AGBL4: variants seen among roughly 807,000 people sequenced by gnomAD.
The protein encoded by AGBL4 is cytosolic carboxypeptidase 6.
Under a neutral mutation model 66.4 loss-of-function variants are expected in AGBL4, and 58 were observed. The observed-to-expected ratio is 0.87, with a 90% CI of 0.71 to 1.09. AGBL4 has a LOEUF of 1.09. Among genes scored for constraint, AGBL4 ranks in the 50% least tolerant of loss-of-function variants. The pLI is 0.00. For missense variants in AGBL4, 579 were observed against 631.0 expected (o/e 0.92, Z 0.88); for synonymous variants, 234 against 222.9 (o/e 1.05, Z -0.44).
chr1:48,545,149 G>C (rs1273775037), intron 11 of AGBL4, among the ~76,000 whole-genome samples: 1 of 152,218 alleles, frequency 6.6e-6, no homozygotes, highest in African/African-American at 2.4e-5. Context: ...CTGAGAGCCA[G>C]ACTTAAAGCA....
intron 3 of AGBL4, among the ~76,000 whole-genome samples, chr1:49,325,560 T>C (rs1313395739): frequency 6.6e-6 from 1 of 152,224 alleles, no homozygotes; most frequent in African/African-American, 2.4e-5. Flanking sequence ...TGCTTCTCAT[T>C]CCTTCCTGTG....
At chr1:48,844,489 C>G (rs1646870224) in intron 6 of AGBL4, among the ~76,000 whole-genome samples, 1 of 152,230 alleles carries the variant, frequency 6.6e-6, no homozygotes, top group Non-Finnish European at 1.5e-5. Flanking sequence ...CATGCACTAA[C>G]TGAGCTCTCA....
chr1:49,607,407 A>G (rs1162363597), intron 3 of AGBL4, among the ~76,000 whole-genome samples: 3 of 152,130 alleles, frequency 2.0e-5, no homozygotes, highest in Non-Finnish European at 4.4e-5. Context: ...TGATCCAGAT[A>G]GTTAGTTCAG....
chr1:48,625,132 CCTTCCTTCCTTT>C (rs1198759414), intron 9 of AGBL4, among the ~76,000 whole-genome samples: 2 of 86,818 alleles, frequency 2.3e-5, no homozygotes, highest in Non-Finnish European at 5.3e-5. Flanking sequence ...TTCCTTCCTT[CCTTCCTTCCTTT>C]CTCTTTCTCT....
intron 5 of AGBL4, among the ~76,000 whole-genome samples, chr1:48,906,460 G>A (rs949661389): frequency 6.6e-6 from 1 of 152,096 alleles, no homozygotes; most frequent in Non-Finnish European, 1.5e-5. Context: ...GGGAGGGGCA[G>A]TAAGTTTTAA....
intron 1 of AGBL4, among the ~76,000 whole-genome samples, chr1:49,858,959 C>T (rs914166004): frequency 2.3e-4 from 9 of 39,204 alleles, no homozygotes; most frequent in South Asian, 9.0e-4. Context: ...GAGTTTGCAG[C>T]GAGCTGAGAC....
chr1:49,077,741 G>A (rs1644737532), intron 4 of AGBL4, among the ~76,000 whole-genome samples: 1 of 152,030 alleles, frequency 6.6e-6, no homozygotes, highest in South Asian at 2.1e-4. Flanking sequence ...AACCAAAGTT[G>A]CTCTCTGATC....
chr1:49,231,860 G>A (rs899779817), intron 4 of AGBL4, among the ~76,000 whole-genome samples: 1 of 152,088 alleles, frequency 6.6e-6, no homozygotes, highest in Non-Finnish European at 1.5e-5. Flanking sequence ...TATTCAATAA[G>A]TTATATAAGG....
At position 49,131,200 on chromosome 1, in the gene AGBL4, G is replaced by A. The variant is rs1197764837; in HGVS notation, c.378-85400C>T. ...GGAATGACAAATCTAATTTATAATGGTAGAATGTAGATCAGTGGTTGCTTG... is the reference window on the plus strand; with the variant it reads ...GGAATGACAAATCTAATTTATAATGATAGAATGTAGATCAGTGGTTGCTTG... On this transcript the variant is annotated intron_variant, in intron 4 of 13. Coordinates refer to ENST00000371839, the MANE Select transcript of AGBL4 (RefSeq NM_032785.4). Among the ~76,000 whole-genome samples, 8 of 151,934 alleles carry A rather than the reference G, an allele frequency of 5.3e-5. No homozygotes were observed. In the Admixed American group the frequency reaches 5.3e-4, roughly 10 times the overall value.
At chr1:49,955,315 T>C (rs767798789) in intron 1 of AGBL4, among the ~76,000 whole-genome samples, 3 of 151,994 alleles carry the variant, frequency 2.0e-5, no homozygotes, top group Non-Finnish European at 2.9e-5. Context: ...AGTTTCACTA[T>C]AAAACAATCC....
At chr1:48,628,845 T>C (rs1645546909) in intron 9 of AGBL4, among the ~76,000 whole-genome samples, 1 of 110,070 alleles carries the variant, frequency 9.1e-6, no homozygotes, top group African/African-American at 3.6e-5. Context: ...CCCACATGGA[T>C]TAATCTCTTT....
intron 1 of AGBL4, among the ~76,000 whole-genome samples, chr1:49,958,963 G>A (rs1656886645): frequency 1.3e-5 from 2 of 151,168 alleles, no homozygotes; most frequent in Non-Finnish European, 1.5e-5. Context: ...AAGACCAAAT[G>A]AGAAAGTCAC....
chr1:49,461,005 C>A (rs372386588), intron 3 of AGBL4, among the ~76,000 whole-genome samples: 1 of 151,550 alleles, frequency 6.6e-6, no homozygotes, highest in African/African-American at 2.4e-5. Context: ...GGGTACCTGA[C>A]GTTTTTGTCT....
intron 4 of AGBL4, among the ~76,000 whole-genome samples, chr1:49,216,514 T>C (rs1205889860): frequency 6.6e-6 from 1 of 152,182 alleles, no homozygotes; most frequent in Non-Finnish European, 1.5e-5. Flanking sequence ...CAGTATTTAG[T>C]TCTCTGTTCC....
chr1:49,930,562 C>G (rs932969929), intron 1 of AGBL4, among the ~76,000 whole-genome samples: 4 of 152,016 alleles, frequency 2.6e-5, no homozygotes, highest in African/African-American at 9.6e-5. Flanking sequence ...TCCCACTACA[C>G]AAAAAAACAC....
At chr1:49,913,631 T>TA (rs1651085216) in intron 1 of AGBL4, among the ~76,000 whole-genome samples, 1 of 152,258 alleles carries the variant, frequency 6.6e-6, no homozygotes, top group African/African-American at 2.4e-5. Context: ...CACTAGGCTT[T>TA]ACACTGATAA....
chr1:49,662,974 A>G (rs541405972), intron 3 of AGBL4, among the ~76,000 whole-genome samples: 1 of 152,138 alleles, frequency 6.6e-6, no homozygotes, highest in African/African-American at 2.4e-5. Context: ...CATACCACAA[A>G]TGATGCTTCT....
At chr1:49,258,832 G>C (rs1475573731) in intron 3 of AGBL4, among the ~76,000 whole-genome samples, 1 of 152,078 alleles carries the variant, frequency 6.6e-6, no homozygotes, top group Non-Finnish European at 1.5e-5. Flanking sequence ...CTTGAGAAGA[G>C]CAACTCCAAG....
intron 3 of AGBL4, among the ~76,000 whole-genome samples, chr1:49,511,326 A>T (rs1649225086): frequency 1.3e-5 from 2 of 151,548 alleles, no homozygotes. Flanking sequence ...GAAATTGGAA[A>T]TCATCATTCT....
Sources: allele counts gnomAD v4.1 joint callset (sites outside exome capture counted in the v4.1 genomes callset), GRCh38; gene constraint gnomAD v4.1.1; transcripts MANE v1.5; gene names NCBI Gene and HGNC (gene_info 2026-07-23, HGNC 2026-07-21).